Variants in ARIH1 observed in about 807,000 individuals in gnomAD.
ARIH1 encodes E3 ubiquitin-protein ligase ARIH1.
Under a neutral mutation model 85.0 loss-of-function variants are expected in ARIH1, and 8 were observed. The ratio of observed to expected loss-of-function variants is 0.09; its 90% confidence interval spans 0.06 to 0.17. ARIH1 has a LOEUF of 0.17. Among genes scored for constraint, ARIH1 ranks in the 10% least tolerant of loss-of-function variants. ARIH1 has a pLI of 1.00. For synonymous variants in ARIH1, 238 were observed against 253.6 expected (o/e 0.94, Z 0.59); for missense variants, 311 against 718.1 (o/e 0.43, Z 6.48).
chr15:72,566,891 C>T (rs2064223412), intron 8 of ARIH1, among the ~76,000 whole-genome samples: 1 of 152,146 alleles, frequency 6.6e-6, no homozygotes. Flanking sequence ...CTAGGTTCCC[C>T]ACTCAGCTTC....
Position 72,593,806 on chromosome 15 carries a change from G to A in ARIH1, c.*10514G>A, listed in dbSNP as rs180797207. 2.0e-5 allele frequency: 3 copies of A among 151,656 alleles called. No homozygotes were observed. Among genetic ancestry groups the A allele is most frequent in the Non-Finnish European group, 4.4e-5 (3 of 67,946 alleles). 9.4% of individuals were successfully genotyped at this position (151,656 alleles called of 1,614,324 possible). On this transcript the variant is annotated 3_prime_UTR_variant, in exon 14 of 14. Transcript: ENST00000379887. ...GTCGATTCTTTGGATTGTCATAAAA[G>A]TTTTACAATTAGCTCATCTTGTTTT... is the stretch of plus-strand genomic sequence containing the variant.
At chr15:72,493,269 T>TG (rs143620557) in intron 1 of ARIH1, among the ~76,000 whole-genome samples, 135 of 151,828 alleles carry the variant, frequency 8.9e-4, no homozygotes, top group Middle Eastern at 3.4e-3. Flanking sequence ...TAACACTTTT[T>TG]GGGGGGGGAG....
intron 1 of ARIH1, among the ~76,000 whole-genome samples, chr15:72,497,042 T>C (rs2063882986): frequency 6.6e-6 from 1 of 152,256 alleles, no homozygotes; most frequent in Non-Finnish European, 1.5e-5. Flanking sequence ...AATTTTATTA[T>C]TATGTTTTAA....
chr15:72,558,101 G>A (rs1422911296), intron 5 of ARIH1, among the ~76,000 whole-genome samples: 2 of 152,150 alleles, frequency 1.3e-5, no homozygotes, highest in Non-Finnish European at 2.9e-5. Context: ...GTGAGTGTGG[G>A]CATCCTTTTC....
rs2064197523 is a variant in ARIH1 at position 72,561,567 on chromosome 15, C to T, written c.804+18C>T. ...TTGTAGAGGTAAGTGATTTGTTTTC[C>T]TTCTTGTAAGAAGGAATTCTGTTTA... On this transcript the variant is annotated intron_variant, in intron 6 of 13. Transcript: ENST00000379887. 1 of 1,437,570 alleles carries T rather than the reference C, an allele frequency of 7.0e-7. No homozygotes were observed. The highest frequency in any genetic ancestry group is 2.0e-5 in the Admixed American group (1 of 50,142). The allele number at this position is 1,437,570 out of a possible 1,614,324, so 89.1% of individuals were successfully genotyped here. A position where few individuals can be genotyped will look rare whatever the true frequency, so the allele number is the denominator to read the frequency against.
Position 72,502,158 on chromosome 15 carries a change from G to A in ARIH1, c.376-15909G>A, listed in dbSNP as rs375138658. ...TTATCTCTCCCCACTTTGGTTTGCC[G>A]CTGAATTTTTATGGAAGAAATCAAA... On this transcript the variant is annotated intron_variant, in intron 1 of 13. Coordinates refer to ENST00000379887, the MANE Select transcript of ARIH1 (RefSeq NM_005744.5). 7.2e-5 allele frequency among the ~76,000 whole-genome samples: 11 copies of A among 151,964 alleles called. No homozygotes were observed. In the East Asian group the frequency reaches 1.3e-3, roughly 19 times the overall value.
chr15:72,549,469 G>A (rs1268693875), intron 3 of ARIH1, among the ~76,000 whole-genome samples: 1 of 152,128 alleles, frequency 6.6e-6, no homozygotes, highest in Non-Finnish European at 1.5e-5. Context: ...AGTTGAAATT[G>A]TGAGGAAGGG....
intron 1 of ARIH1, among the ~76,000 whole-genome samples, chr15:72,490,257 A>G (rs1179229098): frequency 6.6e-6 from 1 of 151,778 alleles, no homozygotes; most frequent in Non-Finnish European, 1.5e-5. Context: ...AAAAAAAAAA[A>G]GTCTCCTTCT....
intron 5 of ARIH1, among the ~76,000 whole-genome samples, chr15:72,561,027 G>A (rs1302842095): frequency 6.6e-6 from 1 of 152,042 alleles, no homozygotes; most frequent in Non-Finnish European, 1.5e-5. Context: ...ATCAGCTTTA[G>A]GTATCACAAA....
In ARIH1 at chr15:72,587,248, AT is replaced by A. The variant is rs1341482597; in HGVS notation, c.*3960del. On this transcript the variant is annotated 3_prime_UTR_variant, in exon 14 of 14. Coordinates refer to ENST00000379887, the MANE Select transcript of ARIH1 (RefSeq NM_005744.5). Reference sequence around the variant, plus strand: ...ACATCATGCTACCTCTTTGTATCATATTTTGTTATTCTGGTCACAGAATGAC... The same window carrying A: ...ACATCATGCTACCTCTTTGTATCATATTTGTTATTCTGGTCACAGAATGAC... The A allele has an allele frequency of 1.9e-6, 1 of 528,658 alleles. No individual in the cohort carries two copies. Among genetic ancestry groups the A allele is most frequent in the Non-Finnish European group, 3.9e-6 (1 of 257,216 alleles). The allele number at this position is 528,658 out of a possible 1,614,324, so 32.7% of individuals were successfully genotyped here.
At chr15:72,561,322 G>A (rs1595870369) in intron 5 of ARIH1, 161 bp from the exon 6 acceptor site, 3 of 609,464 alleles carry the variant, frequency 4.9e-6, no homozygotes, top group East Asian at 3.0e-5. Flanking sequence ...GTTCTGATCA[G>A]TACAGTTATA....
At chr15:72,534,956 A>ATTTTTTTTTTTTTTTTTTT (rs1179478559) in intron 2 of ARIH1, among the ~76,000 whole-genome samples, 7 of 45,112 alleles carry the variant, frequency 1.6e-4, no homozygotes, top group Non-Finnish European at 7.4e-4. Context: ...TATTGTCTGT[A>ATTTTTTTTTTTTTTTTTTT]TTCTTTTTTT....
At chr15:72,496,701 T>G in intron 1 of ARIH1, 1 of 621,172 alleles carries the variant, frequency 1.6e-6, no homozygotes, top group Non-Finnish European at 2.0e-6. Context: ...CCCCACCCCT[T>G]TATATATACC....
chr15:72,500,019 A>G (rs888019598), intron 1 of ARIH1, among the ~76,000 whole-genome samples: 1 of 152,116 alleles, frequency 6.6e-6, no homozygotes, highest in African/African-American at 2.4e-5. Flanking sequence ...GAAACTCTAG[A>G]TTAGAATATT....
At chr15:72,529,689 G>A (rs1424152831) in intron 2 of ARIH1, among the ~76,000 whole-genome samples, 1 of 152,130 alleles carries the variant, frequency 6.6e-6, no homozygotes, top group African/African-American at 2.4e-5. Context: ...TAGTAATGAG[G>A]TGTGGCATTT....
At chr15:72,562,532 A>G (rs1003735826) in intron 6 of ARIH1, among the ~76,000 whole-genome samples, 2 of 151,900 alleles carry the variant, frequency 1.3e-5, no homozygotes, top group East Asian at 1.9e-4. Flanking sequence ...TCATAATACT[A>G]TAAAAGTTAT....
At position 72,588,174 on chromosome 15, in the gene ARIH1, C is replaced by G. The variant is rs527663552; in HGVS notation, c.*4882C>G. The stretch of plus-strand genomic sequence containing the variant: ...GTAAATATTTTAGAAATAGAGTACC[C>G]TGGAGTAGATGGGCTCTGAGAGGAG... On this transcript the variant is annotated 3_prime_UTR_variant, in exon 14 of 14. Transcript: ENST00000379887. 1.3e-5 allele frequency: 2 copies of G among 152,112 alleles called. No individual in the cohort carries two copies. The highest frequency in any genetic ancestry group is 2.9e-5 in the Non-Finnish European group (2 of 68,026). The allele number at this position is 152,112 out of a possible 1,614,324, so 9.4% of individuals were successfully genotyped here.
intron 2 of ARIH1, among the ~76,000 whole-genome samples, chr15:72,529,360 C>T (rs1028987884): frequency 2.0e-5 from 3 of 152,238 alleles, no homozygotes; most frequent in African/African-American, 7.2e-5. Flanking sequence ...TCTCTCGCCT[C>T]AGCCTCCCTA....
chr15:72,546,938 G>T (rs527763591), intron 3 of ARIH1, among the ~76,000 whole-genome samples: 1 of 59,410 alleles, frequency 1.7e-5, no homozygotes, highest in Non-Finnish European at 6.3e-5. Context: ...TTTTGGAGGG[G>T]GGGGGGTGGG....
Sources: allele counts gnomAD v4.1 joint callset (sites outside exome capture counted in the v4.1 genomes callset), GRCh38; gene constraint gnomAD v4.1.1; transcripts MANE v1.5; gene names NCBI Gene and HGNC (gene_info 2026-07-23, HGNC 2026-07-21).